The following MAML3 variants were observed in gnomAD, a reference collection of about 807,000 sequenced individuals.
The protein encoded by MAML3 is mastermind-like protein 3.
MAML3 carries 27 observed loss-of-function variants against 101.9 expected under a neutral mutation model. That is an observed-to-expected ratio of 0.27 (90% CI 0.20 to 0.37). The LOEUF is 0.37. Ranked by LOEUF, MAML3 falls within the 10% of genes least tolerant of loss-of-function variation. The pLI, the probability that MAML3 is intolerant of heterozygous loss-of-function variation, is 1.00. For synonymous variants in MAML3, 501 were observed against 555.9 expected (o/e 0.90, Z 1.39); for missense variants, 1,316 against 1,444.9 (o/e 0.91, Z 1.45).
intron 1 of MAML3, among the ~76,000 whole-genome samples, chr4:139,969,601 T>C (rs976578298): frequency 1.3e-4 from 20 of 152,180 alleles, no homozygotes; most frequent in Admixed American, 3.9e-4. Flanking sequence ...TAGTAACATA[T>C]TTATGTAAAA....
chr4:139,732,291 T>A (rs1728755361), intron 2 of MAML3, among the ~76,000 whole-genome samples: 1 of 152,218 alleles, frequency 6.6e-6, no homozygotes, highest in African/African-American at 2.4e-5. Flanking sequence ...GTCCTGGATT[T>A]GATTCCCTAT....
At chr4:140,105,069 A>G (rs1353504459) in intron 1 of MAML3, among the ~76,000 whole-genome samples, 1 of 152,156 alleles carries the variant, frequency 6.6e-6, no homozygotes, top group African/African-American at 2.4e-5. Context: ...CCTGCTTAAC[A>G]GAAATATGTC....
At chr4:139,845,921 G>A (rs1307213167) in intron 2 of MAML3, among the ~76,000 whole-genome samples, 7 of 152,180 alleles carry the variant, frequency 4.6e-5, no homozygotes, top group African/African-American at 1.7e-4. Context: ...AGGTTTAGCA[G>A]GGTAATGTTG....
intron 1 of MAML3, among the ~76,000 whole-genome samples, chr4:139,943,076 C>T (rs1175838158): frequency 1.3e-5 from 2 of 151,924 alleles, no homozygotes; most frequent in Admixed American, 1.3e-4. Context: ...AATGGGGGTG[C>T]TGACAAAAAT....
chr4:139,725,764 G>A lies in MAML3; in HGVS notation c.2403C>T (p.Val801=). The A allele has an allele frequency of 1.2e-6, 2 of 1,613,910 alleles. No homozygotes were observed. The highest frequency in any genetic ancestry group is 1.7e-6 in the Non-Finnish European group (2 of 1,179,856). ...CACTGGCCTCACCTTGAAACTGATT[G>A]ACCTGCTGCACTGGGTATGGATTCC... is the stretch of plus-strand genomic sequence containing the variant. ...PQRNPYPVQQ[V]NQFQGSPQDI... The change falls in exon 4 of 5, where the codon GTC becomes GTT. Residue 801 remains valine, a synonymous_variant. Transcript: ENST00000509479.
rs1324577883 is a variant in MAML3 at position 139,724,879 on chromosome 4, C to T, written c.2416+872G>A. On this transcript the variant is annotated intron_variant, in intron 4 of 4. Transcript: ENST00000509479. ...GTTCAAGCGATTCTTGTGCCTCAACCTCCTAAGTAACTGAGATTACAGGTA... is the reference window on the plus strand; with the variant it reads ...GTTCAAGCGATTCTTGTGCCTCAACTTCCTAAGTAACTGAGATTACAGGTA... Among the ~76,000 whole-genome samples the T allele has an allele frequency of 2.6e-5, 4 of 151,762 alleles. No individual in the cohort carries two copies. In the South Asian group the frequency reaches 8.3e-4, roughly 32 times the overall value.
At chr4:140,091,719 AG>A (rs988981362) in intron 1 of MAML3, among the ~76,000 whole-genome samples, 1 of 152,098 alleles carries the variant, frequency 6.6e-6, no homozygotes, top group Admixed American at 6.5e-5. Context: ...AACTAGTTCA[AG>A]GGTTTGTTTA....
chr4:140,032,802 C>A (rs1406821759), intron 1 of MAML3, among the ~76,000 whole-genome samples: 2 of 150,468 alleles, frequency 1.3e-5, no homozygotes, highest in Admixed American at 1.3e-4. Context: ...TGCCTTTACA[C>A]TTTTTGATAA....
chr4:139,762,061 A>G (rs1214064365), intron 2 of MAML3, among the ~76,000 whole-genome samples: 1 of 152,208 alleles, frequency 6.6e-6, no homozygotes, highest in Admixed American at 6.5e-5. Context: ...AGGAGCTTCT[A>G]TGCCACATGC....
intron 1 of MAML3, among the ~76,000 whole-genome samples, chr4:140,009,409 G>C (rs1726512314): frequency 6.6e-6 from 1 of 152,160 alleles, no homozygotes; most frequent in Non-Finnish European, 1.5e-5. Flanking sequence ...TCCCTAGTCT[G>C]TACTACAGTC....
chr4:139,886,528 T>C (rs527900407), intron 2 of MAML3, among the ~76,000 whole-genome samples: 12 of 152,296 alleles, frequency 7.9e-5, no homozygotes, highest in African/African-American at 2.6e-4. Context: ...TCAGTATTTT[T>C]CTACACATAT....
At chr4:139,741,336 C>T (rs1729159398) in intron 2 of MAML3, among the ~76,000 whole-genome samples, 1 of 152,116 alleles carries the variant, frequency 6.6e-6, no homozygotes, top group Non-Finnish European at 1.5e-5. Flanking sequence ...TGACCCTGGG[C>T]CTTGCATCCA....
chr4:139,920,188 T>A (rs1472273599), intron 1 of MAML3, among the ~76,000 whole-genome samples: 2 of 152,236 alleles, frequency 1.3e-5, no homozygotes, highest in Non-Finnish European at 2.9e-5. Flanking sequence ...ACATTCACTT[T>A]TTTTGCCTTT....
At chr4:140,065,482 G>GT (rs1727520105) in intron 1 of MAML3, among the ~76,000 whole-genome samples, 1 of 152,170 alleles carries the variant, frequency 6.6e-6, no homozygotes, top group Non-Finnish European at 1.5e-5. Flanking sequence ...CCACAGAGCT[G>GT]TAACTTTTCA....
At chr4:139,739,996 T>G (rs894712439) in intron 2 of MAML3, among the ~76,000 whole-genome samples, 2 of 152,292 alleles carry the variant, frequency 1.3e-5, no homozygotes, top group African/African-American at 4.8e-5. Context: ...ACAGACATGC[T>G]TAAGTGGCAG....
At position 139,718,252 on chromosome 4, in the gene MAML3, G is replaced by A. The variant is rs755930899; in HGVS notation, c.*1071C>T. The A allele has an allele frequency of 5.3e-5, 8 of 152,228 alleles. No homozygotes were observed. The highest frequency in any genetic ancestry group is 1.9e-4 in the African/African-American group (8 of 41,448). The allele number at this position is 152,228 out of a possible 1,614,324, so 9.4% of individuals were successfully genotyped here. A position where few individuals can be genotyped will look rare whatever the true frequency, so the allele number is the denominator to read the frequency against. On this transcript the variant is annotated 3_prime_UTR_variant, in exon 5 of 5. Coordinates refer to ENST00000509479, the MANE Select transcript of MAML3 (RefSeq NM_018717.5). The stretch of plus-strand genomic sequence containing the variant: ...GGCAGATATTCATTCAACGCTACAC[G>A]TTAGAGAAAGAAGACTCCAGTGTCG...
chr4:139,790,433 G>A (rs1730388867), intron 2 of MAML3, among the ~76,000 whole-genome samples: 2 of 151,164 alleles, frequency 1.3e-5, no homozygotes, highest in African/African-American at 2.4e-5. Context: ...ATTTTTAAGG[G>A]TTCAATTCAG....
chr4:140,112,296 A>C (rs1728450832), intron 1 of MAML3, among the ~76,000 whole-genome samples: 1 of 152,076 alleles, frequency 6.6e-6, no homozygotes, highest in Admixed American at 6.6e-5. Flanking sequence ...TTTCTGGCTC[A>C]ACTAGATATT....
chr4:139,771,005 G>A (rs1729967555), intron 2 of MAML3, among the ~76,000 whole-genome samples: 1 of 152,132 alleles, frequency 6.6e-6, no homozygotes, highest in Non-Finnish European at 1.5e-5. Flanking sequence ...AGGACCAAGT[G>A]TGGCAAGGAA....
Sources: gnomAD v4.1 joint callset for allele counts (sites outside exome capture counted in the v4.1 genomes callset) on GRCh38, gnomAD v4.1.1 for gene constraint, MANE v1.5 for transcripts, NCBI Gene and HGNC (gene_info 2026-07-23, HGNC 2026-07-21) for gene names.